Variants in SIPA1L3 observed in about 807,000 individuals in gnomAD.
SIPA1L3 encodes signal-induced proliferation-associated 1-like protein 3.
Under a neutral mutation model 150.1 loss-of-function variants are expected in SIPA1L3, and 59 were observed. That is an observed-to-expected ratio of 0.39 (90% CI 0.32 to 0.49). The LOEUF is 0.49. Among genes scored for constraint, SIPA1L3 ranks in the 20% least tolerant of loss-of-function variants. The pLI is 0.86. For synonymous variants in SIPA1L3, 1,070 were observed against 1,077.6 expected (o/e 0.99, Z 0.14); for missense variants, 2,211 against 2,489.5 (o/e 0.89, Z 2.38).
At chr19:37,981,788 G>T (rs1967209733) in intron 1 of SIPA1L3, among the ~76,000 whole-genome samples, 2 of 152,104 alleles carry the variant, frequency 1.3e-5, no homozygotes, top group African/African-American at 2.4e-5. Flanking sequence ...GAGTATTTAG[G>T]AAAGGAGGCC....
chr19:38,096,468 C>T (rs1484091343), intron 4 of SIPA1L3, among the ~76,000 whole-genome samples: 2 of 152,060 alleles, frequency 1.3e-5, no homozygotes, highest in East Asian at 1.9e-4. Flanking sequence ...AGGCTGGTCT[C>T]GAACTCCTGA....
chr19:38,005,095 C>T (rs1967908474), intron 1 of SIPA1L3, among the ~76,000 whole-genome samples: 1 of 151,874 alleles, frequency 6.6e-6, no homozygotes, highest in Admixed American at 6.6e-5. Context: ...ATGTCCCCCA[C>T]CCACCCCCGG....
At chr19:37,946,965 C>G (rs1372354098) in intron 1 of SIPA1L3, among the ~76,000 whole-genome samples, 1 of 152,108 alleles carries the variant, frequency 6.6e-6, no homozygotes, top group Non-Finnish European at 1.5e-5. Context: ...GCAGGAGGAT[C>G]ACTTGAGGCC....
chr19:38,128,353 G>A lies in SIPA1L3; in HGVS notation c.2869-2145G>A, dbSNP rs1242695840. 3.9e-5 allele frequency among the ~76,000 whole-genome samples: 6 copies of A among 152,060 alleles called. No individual in the cohort carries two copies. The East Asian group carries it at 7.7e-4, about 20-fold the overall frequency. ...TTATGAAGCATTGTTTTGGTCACAC[G>A]TTTCCCCCACTTTCCAAATTCTCGC... is the stretch of plus-strand genomic sequence containing the variant. On this transcript the variant is annotated intron_variant, in intron 9 of 21. Coordinates refer to ENST00000222345, the MANE Select transcript of SIPA1L3 (RefSeq NM_015073.3).
chr19:38,198,681 C>A, intron 19 of SIPA1L3, 149 bp downstream of exon 19: 1 of 787,804 alleles, frequency 1.3e-6, no homozygotes, highest in Non-Finnish European at 1.7e-6. Flanking sequence ...CACTTGCTTA[C>A]CATGCAGCCC....
intron 7 of SIPA1L3, chr19:38,109,803 C>G (rs1568554480): frequency 6.0e-6 from 1 of 166,798 alleles, no homozygotes; most frequent in Admixed American, 5.7e-5. Context: ...AAAGCCATCT[C>G]TGCTGAGTGT....
At chr19:38,179,638 A>T (rs1168567904) in intron 15 of SIPA1L3, among the ~76,000 whole-genome samples, 1 of 152,164 alleles carries the variant, frequency 6.6e-6, no homozygotes, top group Non-Finnish European at 1.5e-5. Context: ...TATCATAAAC[A>T]TCCATATGTG....
At position 38,082,055 on chromosome 19, in the gene SIPA1L3, C is replaced by T; in HGVS notation, c.490C>T (p.Leu164Phe). The part of the protein sequence containing the change: ...GWPRSPGRAF[L>F]PLRHRSSSEI... Reference sequence around the variant, plus strand: ...GCCCCGGTCCCCCGGCAGGGCCTTCCTCCCCCTTCGGCACCGCAGCAGCAG... The same window carrying T: ...GCCCCGGTCCCCCGGCAGGGCCTTCTTCCCCCTTCGGCACCGCAGCAGCAG... Residue 164 changes from leucine (L) to phenylalanine (F), a missense_variant, in exon 3 of 22, where the codon CTC (leucine) becomes TTC (phenylalanine). Leu to Phe is a conservative substitution (Grantham distance 22). This residue lies in a region of SIPA1L3 where 587 missense variants were observed against 534.5 expected (regional missense o/e 1.10). Coordinates refer to ENST00000222345, the MANE Select transcript of SIPA1L3 (RefSeq NM_015073.3). The T allele has an allele frequency of 6.2e-7, 1 of 1,613,684 alleles. No homozygotes were observed.
At chr19:38,109,454 G>T (rs1970692039) in intron 7 of SIPA1L3, 1 of 152,190 alleles carries the variant, frequency 6.6e-6, no homozygotes, top group East Asian at 1.9e-4. Context: ...TGAATTGTAG[G>T]GTGTGGACAC....
chr19:38,080,478 A>G (rs1184264092), intron 2 of SIPA1L3, among the ~76,000 whole-genome samples: 3 of 152,218 alleles, frequency 2.0e-5, no homozygotes, highest in Admixed American at 2.0e-4. Context: ...ATACCTGCAT[A>G]AGCAGAGGAT....
chr19:37,913,730 A>G (rs1462794451), intron 1 of SIPA1L3, among the ~76,000 whole-genome samples: 1 of 148,930 alleles, frequency 6.7e-6, no homozygotes, highest in Non-Finnish European at 1.5e-5. Context: ...ATTAAAAAAA[A>G]TCCTGGCTGG....
chr19:37,923,862 C>T (rs966112788), intron 1 of SIPA1L3, among the ~76,000 whole-genome samples: 2 of 151,908 alleles, frequency 1.3e-5, no homozygotes, highest in Admixed American at 6.6e-5. Context: ...CGGGTTCAAG[C>T]GATTCTTCTG....
At chr19:38,029,413 A>G (rs1365988343) in intron 2 of SIPA1L3, among the ~76,000 whole-genome samples, 1 of 152,170 alleles carries the variant, frequency 6.6e-6, no homozygotes, top group Non-Finnish European at 1.5e-5. Context: ...TTGTGTGAGA[A>G]AAAGGAACCA....
chr19:38,053,588 G>C (rs531948696), intron 2 of SIPA1L3, among the ~76,000 whole-genome samples: 3 of 151,638 alleles, frequency 2.0e-5, no homozygotes, highest in South Asian at 4.2e-4. Context: ...TGGGGGTCTC[G>C]CTGTGTCACC....
At chr19:37,982,821 T>C (rs1311451208) in intron 1 of SIPA1L3, among the ~76,000 whole-genome samples, 1 of 152,094 alleles carries the variant, frequency 6.6e-6, no homozygotes, top group African/African-American at 2.4e-5. Flanking sequence ...GCTTTCCCGG[T>C]GTGACCTGTG....
At chr19:38,041,189 C>T (rs1968912262) in intron 2 of SIPA1L3, among the ~76,000 whole-genome samples, 1 of 150,872 alleles carries the variant, frequency 6.6e-6, no homozygotes, top group Middle Eastern at 3.2e-3. Flanking sequence ...TCATTGCAAC[C>T]TCCATCTCCA....
intron 2 of SIPA1L3, among the ~76,000 whole-genome samples, chr19:38,059,863 G>A (rs564258772): frequency 6.6e-5 from 10 of 151,780 alleles, no homozygotes; most frequent in Non-Finnish European, 1.3e-4. Flanking sequence ...TGCAGCCTCC[G>A]CCTCCAGGTT....
At chr19:37,913,844 G>C (rs566681644) in intron 1 of SIPA1L3, among the ~76,000 whole-genome samples, 7 of 151,070 alleles carry the variant, frequency 4.6e-5, no homozygotes, top group African/African-American at 1.7e-4. Flanking sequence ...GTGAAACCCC[G>C]TCTCTACTAA....
intron 1 of SIPA1L3, among the ~76,000 whole-genome samples, chr19:37,946,313 T>C (rs2046711718): frequency 6.6e-6 from 1 of 152,048 alleles, no homozygotes; most frequent in South Asian, 2.1e-4. Flanking sequence ...TGTGTGTGTG[T>C]GTGGAGATGG....
Sources: gnomAD v4.1 joint callset for allele counts (sites outside exome capture counted in the v4.1 genomes callset) on GRCh38, gnomAD v4.1.1 for gene constraint, gnomAD v4.1.1 regional missense constraint, MANE v1.5 for transcripts, NCBI Gene and HGNC (gene_info 2026-07-23, HGNC 2026-07-21) for gene names.